The following STARD13 variants were observed in gnomAD, a reference collection of about 807,000 sequenced individuals.
The protein encoded by STARD13 is StAR related lipid transfer domain containing 13.
A neutral mutation model predicts 106.4 loss-of-function variants in STARD13; 62 were observed. The observed-to-expected ratio is 0.58, with a 90% CI of 0.48 to 0.72. The LOEUF is 0.72. Ranked by LOEUF, STARD13 falls within the 30% of genes least tolerant of loss-of-function variation. The pLI is 0.00. For synonymous variants in STARD13, 565 were observed against 553.0 expected, an observed-to-expected ratio of 1.02 and a Z score of -0.31; for missense variants, 1,387 against 1,424.0, an observed-to-expected ratio of 0.97 and a Z score of 0.42.
At chr13:33,307,562 GA>G (rs1285295444) in intron 1 of STARD13, among the ~76,000 whole-genome samples, 1 of 152,164 alleles carries the variant, frequency 6.6e-6, no homozygotes, top group Non-Finnish European at 1.5e-5. Flanking sequence ...TGCAGGAACA[GA>G]AAACCAAACA....
At chr13:33,650,040 C>T in the STARD13 span, among the ~76,000 whole-genome samples, 1 of 152,020 alleles carries the variant, frequency 6.6e-6, no homozygotes, top group African/African-American at 2.4e-5. Context: ...CAAATCCAGA[C>T]ACTCACATGA....
upstream of STARD13, among the ~76,000 whole-genome samples, chr13:33,290,685 A>C (rs1047607255): frequency 6.6e-6 from 1 of 152,252 alleles, no homozygotes; most frequent in African/African-American, 2.4e-5. Flanking sequence ...ATGGGCCTCC[A>C]GGAGCATGTG....
At chr13:33,338,969 G>A (rs1180722906) in intron 1 of STARD13, among the ~76,000 whole-genome samples, 3 of 151,692 alleles carry the variant, frequency 2.0e-5, no homozygotes, top group African/African-American at 4.8e-5. Flanking sequence ...GGTTTCGGGT[G>A]GGGGTTAAAG....
chr13:33,569,558 A>G, the STARD13 span, among the ~76,000 whole-genome samples: 47 of 147,770 alleles, frequency 3.2e-4, 5 homozygotes, highest in African/African-American at 1.1e-3. Flanking sequence ...GTTAAAGGGA[A>G]AAGATGTTAA....
intron 1 of STARD13, among the ~76,000 whole-genome samples, chr13:33,309,859 G>A (rs1434696723): frequency 6.6e-6 from 1 of 152,142 alleles, no homozygotes; most frequent in African/African-American, 2.4e-5. Flanking sequence ...TTGGGGATGG[G>A]GAAAATATGT....
the STARD13 span, among the ~76,000 whole-genome samples, chr13:33,402,460 C>G: frequency 6.6e-6 from 1 of 152,182 alleles, no homozygotes; most frequent in Non-Finnish European, 1.5e-5. Context: ...GATGAATGGA[C>G]AGGAGATGGA....
chr13:33,446,793 TA>T, the STARD13 span, among the ~76,000 whole-genome samples: 3 of 152,222 alleles, frequency 2.0e-5, no homozygotes, highest in African/African-American at 7.2e-5. Context: ...TGCTATTTAA[TA>T]AACCATAGCA....
rs35511638 is a variant in STARD13 at position 33,151,135 on chromosome 13, GA to G, written c.324-8763del. Among the ~76,000 whole-genome samples, 1,120 of 151,114 alleles carry G rather than the reference GA, an allele frequency of 7.4e-3. 5 individuals are homozygous for G. The highest frequency in any genetic ancestry group is 0.014 in the Middle Eastern group (4 of 294). ...GCTGTCTAGGCAAGGAGAATTACAG[GA>G]AAAAAAAATAGGCACAAAATAGCAG... On this transcript the variant is annotated intron_variant, in intron 3 of 13. Transcript: ENST00000336934.
chr13:33,454,609 C>T, the STARD13 span, among the ~76,000 whole-genome samples: 1 of 152,324 alleles, frequency 6.6e-6, no homozygotes, highest in Non-Finnish European at 1.5e-5. Flanking sequence ...CCTGAGGCTT[C>T]TGATTCCCTA....
intron 1 of STARD13, among the ~76,000 whole-genome samples, chr13:33,168,682 G>A (rs999086885): frequency 1.2e-4 from 19 of 152,154 alleles, no homozygotes; most frequent in Non-Finnish European, 5.9e-5. Context: ...CATAGCCAAA[G>A]CTGGAGTGTA....
chr13:33,298,516 C>T (rs1051955485), intron 1 of STARD13, among the ~76,000 whole-genome samples: 2 of 151,996 alleles, frequency 1.3e-5, no homozygotes, highest in Admixed American at 1.3e-4. Flanking sequence ...CCACAAAACA[C>T]CAAACCACGC....
chr13:33,284,025 T>A (rs1291276268), intron 1 of STARD13, among the ~76,000 whole-genome samples: 3 of 152,218 alleles, frequency 2.0e-5, no homozygotes, highest in Non-Finnish European at 4.4e-5. Flanking sequence ...TTCATAAAGA[T>A]GATGGCATTT....
At chr13:33,536,881 T>C in the STARD13 span, among the ~76,000 whole-genome samples, 1 of 152,246 alleles carries the variant, frequency 6.6e-6, no homozygotes, top group Admixed American at 6.5e-5. Context: ...CATACAGTCT[T>C]AGTGAAACTG....
chr13:33,605,113 C>A, the STARD13 span, among the ~76,000 whole-genome samples: 1 of 151,678 alleles, frequency 6.6e-6, no homozygotes, highest in South Asian at 2.1e-4. Flanking sequence ...GTGGTGTGAG[C>A]CTGTAGTCCC....
At chr13:33,370,425 C>T in the STARD13 span, among the ~76,000 whole-genome samples, 14 of 152,068 alleles carry the variant, frequency 9.2e-5, no homozygotes, top group African/African-American at 3.1e-4. Flanking sequence ...CAATTAGCTT[C>T]AGAAGAAGAA....
At chr13:33,452,152 G>A in the STARD13 span, among the ~76,000 whole-genome samples, 2 of 152,100 alleles carry the variant, frequency 1.3e-5, no homozygotes, top group African/African-American at 4.8e-5. Context: ...CAAATACAAG[G>A]GAACAGGATT....
chr13:33,599,332 A>G, the STARD13 span, among the ~76,000 whole-genome samples: 4 of 152,158 alleles, frequency 2.6e-5, no homozygotes, highest in Non-Finnish European at 5.9e-5. Context: ...AATACCTGAA[A>G]CTCTTAACCT....
the STARD13 span, among the ~76,000 whole-genome samples, chr13:33,470,021 A>G: frequency 6.6e-6 from 1 of 152,282 alleles, no homozygotes. Context: ...CATCATCTAC[A>G]TTAGGTATTT....
chr13:33,291,849 A>G (rs980321327), intron 1 of STARD13, among the ~76,000 whole-genome samples: 1 of 152,170 alleles, frequency 6.6e-6, no homozygotes, highest in African/African-American at 2.4e-5. Context: ...GCTGGATGCT[A>G]TCTTTGTTAT....
Sources: allele counts gnomAD v4.1 joint callset (sites outside exome capture counted in the v4.1 genomes callset), GRCh38; gene constraint gnomAD v4.1.1; transcripts MANE v1.5; gene names NCBI Gene and HGNC (gene_info 2026-07-23, HGNC 2026-07-21).